Variants in SKA2 observed in about 807,000 individuals in gnomAD.
SKA2 encodes spindle and kinetochore associated complex subunit 2.
In SKA2, 13 loss-of-function variants were observed where a neutral mutation model predicts 16.9. The observed-to-expected ratio is 0.77, with a 90% CI of 0.50 to 1.22. SKA2 has a LOEUF of 1.22. SKA2 is among the 50% of genes most tolerant of loss of function. The pLI is 0.00. For missense variants in SKA2, 107 were observed against 139.7 expected, an observed-to-expected ratio of 0.77 and a Z score of 1.18; for synonymous variants, 47 against 48.5, an observed-to-expected ratio of 0.97 and a Z score of 0.13.
chr17:59,140,638 T>A (rs1415371768), intron 1 of SKA2, among the ~76,000 whole-genome samples: 1 of 151,416 alleles, frequency 6.6e-6, no homozygotes, highest in Admixed American at 6.6e-5. Context: ...TGAGATGGAG[T>A]CTTGCTCAGT....
intron 1 of SKA2, among the ~76,000 whole-genome samples, chr17:59,150,964 C>T (rs1162213981): frequency 6.6e-6 from 1 of 151,228 alleles, no homozygotes; most frequent in Non-Finnish European, 1.5e-5. Flanking sequence ...TTTCATAATG[C>T]AGTAAAATAT....
chr17:59,110,153 G>T lies in SKA2; in HGVS notation c.*2124C>A, dbSNP rs1392681015. ...GAGCTAGTGGAAGAAGTTATATTTA[G>T]GAGTCATCCACAAAGAGGCTTGAGA... On this transcript the variant is annotated 3_prime_UTR_variant, in exon 4 of 4. Transcript: ENST00000330137. 6.6e-6 allele frequency: 1 copy of T among 152,084 alleles called. No individual in the cohort carries two copies. The allele number at this position is 152,084 out of a possible 1,614,324, so 9.4% of individuals were successfully genotyped here.
intron 1 of SKA2, among the ~76,000 whole-genome samples, chr17:59,141,431 A>G (rs2046488447): frequency 6.6e-6 from 1 of 151,812 alleles, no homozygotes; most frequent in Non-Finnish European, 1.5e-5. Context: ...TGTGTAACTC[A>G]AATGACAGCC....
At chr17:59,134,467 A>T (rs2046430461) in intron 1 of SKA2, among the ~76,000 whole-genome samples, 2 of 152,208 alleles carry the variant, frequency 1.3e-5, no homozygotes, top group Non-Finnish European at 2.9e-5. Flanking sequence ...TGTTTATGAA[A>T]CGAAGTATTA....
chr17:59,150,570 C>T (rs2046569414), intron 1 of SKA2, among the ~76,000 whole-genome samples: 1 of 152,192 alleles, frequency 6.6e-6, no homozygotes, highest in African/African-American at 2.4e-5. Flanking sequence ...GACCCTGTCT[C>T]CACAAAAAAT....
chr17:59,143,535 C>T (rs1406382692), intron 1 of SKA2, among the ~76,000 whole-genome samples: 2 of 152,078 alleles, frequency 1.3e-5, no homozygotes, highest in East Asian at 3.9e-4. Flanking sequence ...ACGTGCCCAG[C>T]TAATTTTTTT....
At position 59,110,526 on chromosome 17, in the gene SKA2, C is replaced by G. The variant is rs964724252; in HGVS notation, c.*1751G>C. 2.0e-5 allele frequency: 3 copies of G among 152,138 alleles called. No individual in the cohort carries two copies. The highest frequency in any genetic ancestry group is 7.2e-5 in the African/African-American group (3 of 41,402). 9.4% of individuals were successfully genotyped at this position (152,138 alleles called of 1,614,324 possible). The stretch of plus-strand genomic sequence containing the variant: ...AAAAAAAGGGGGCCAGGCACGGTAG[C>G]TCATGCCTGTAATCCCAGCACTTTG... On this transcript the variant is annotated 3_prime_UTR_variant, in exon 4 of 4. Transcript: ENST00000330137.
intron 1 of SKA2, among the ~76,000 whole-genome samples, chr17:59,154,760 A>C (rs2046609055): frequency 6.6e-6 from 1 of 150,758 alleles, no homozygotes; most frequent in African/African-American, 2.4e-5. Context: ...AGTGTGAACC[A>C]CCTCTCCCTT....
chr17:59,138,843 G>T (rs2046465570), intron 1 of SKA2, among the ~76,000 whole-genome samples: 1 of 152,166 alleles, frequency 6.6e-6, no homozygotes, highest in African/African-American at 2.4e-5. Context: ...TATTGCGGTT[G>T]TCACAATATA....
intron 2 of SKA2, among the ~76,000 whole-genome samples, chr17:59,122,352 G>T (rs1034767866): frequency 1.3e-5 from 2 of 151,984 alleles, no homozygotes; most frequent in African/African-American, 2.4e-5. Flanking sequence ...ACTCACGCCT[G>T]CAAGTCCCAG....
chr17:59,126,619 T>C (rs1353089586), intron 2 of SKA2, among the ~76,000 whole-genome samples: 1 of 152,232 alleles, frequency 6.6e-6, no homozygotes, highest in African/African-American at 2.4e-5. Flanking sequence ...ATTAAAATCA[T>C]GGCTTTATTC....
chr17:59,152,089 A>G (rs2046581692), intron 1 of SKA2, among the ~76,000 whole-genome samples: 1 of 152,170 alleles, frequency 6.6e-6, no homozygotes, highest in South Asian at 2.1e-4. Context: ...GTAAACCCAG[A>G]AACAGAAATA....
In SKA2 at chr17:59,119,510, A is replaced by C. The variant is rs143051176; in HGVS notation, c.121-15T>G. On this transcript the variant is annotated splice_polypyrimidine_tract_variant and intron_variant, in intron 2 of 3. Transcript: ENST00000330137. Reference sequence around the variant, plus strand: ...ACTGGATTTTTCTATGTCAGGAAAAAAGTGAACATGTATTAAATTATGAAA... The same window carrying C: ...ACTGGATTTTTCTATGTCAGGAAAACAGTGAACATGTATTAAATTATGAAA... The C allele has an allele frequency of 1.5e-5, 24 of 1,609,088 alleles. No homozygotes were observed. The African/African-American group carries it at 2.4e-4, about 16-fold the overall frequency.
At chr17:59,119,193 G>A (rs1409937178) in intron 3 of SKA2, 126 bp downstream of exon 3, 23 of 1,004,242 alleles carry the variant, frequency 2.3e-5, no homozygotes, top group Non-Finnish European at 3.2e-5. Context: ...CAGGGTATCA[G>A]GAAAATCTTT....
intron 2 of SKA2, among the ~76,000 whole-genome samples, chr17:59,124,600 T>G (rs1328280144): frequency 6.6e-6 from 1 of 151,984 alleles, no homozygotes; most frequent in Non-Finnish European, 1.5e-5. Context: ...TTAATATAAC[T>G]CAGGAGAATG....
chr17:59,154,957 C>T (rs2046611436), intron 1 of SKA2, 174 bp downstream of exon 1: 2 of 1,613,742 alleles, frequency 1.2e-6, no homozygotes, highest in African/African-American at 1.3e-5. Flanking sequence ...ACCCCTTACC[C>T]GAGGCGGTTT....
At chr17:59,124,800 G>A (rs750618976) in intron 2 of SKA2, among the ~76,000 whole-genome samples, 25 of 152,076 alleles carry the variant, frequency 1.6e-4, no homozygotes, top group Admixed American at 9.2e-4. Context: ...ACATTAGCTC[G>A]ATCAATAAGA....
chr17:59,127,097 G>T (rs759956930), intron 2 of SKA2, among the ~76,000 whole-genome samples: 12 of 152,164 alleles, frequency 7.9e-5, no homozygotes, highest in Admixed American at 1.3e-4. Context: ...TGGCTGCTAG[G>T]AGTGGAAGAA....
At chr17:59,141,174 G>C (rs2046486160) in intron 1 of SKA2, among the ~76,000 whole-genome samples, 1 of 151,676 alleles carries the variant, frequency 6.6e-6, no homozygotes, top group Non-Finnish European at 1.5e-5. Context: ...TGAGGTGGGT[G>C]AATCACGAGG....
Sources: gnomAD v4.1 joint callset for allele counts (sites outside exome capture counted in the v4.1 genomes callset) on GRCh38, gnomAD v4.1.1 for gene constraint, MANE v1.5 for transcripts, NCBI Gene and HGNC (gene_info 2026-07-23, HGNC 2026-07-21) for gene names.